Variants in CCM2 observed in about 807,000 individuals in gnomAD.
CCM2 encodes CCM2 scaffold protein.
Under a neutral mutation model 44.9 loss-of-function variants are expected in CCM2, and 25 were observed. The ratio of observed to expected loss-of-function variants is 0.56; its 90% CI spans 0.41 to 0.78. CCM2 has a LOEUF of 0.78. Ranked by LOEUF, CCM2 falls within the 30% of genes least tolerant of loss-of-function variation. The pLI, the probability that CCM2 is intolerant of heterozygous loss-of-function variation, is 0.00. For missense variants in CCM2, 481 were observed against 580.6 expected (o/e 0.83, Z 1.76); for synonymous variants, 219 against 241.1 (o/e 0.91, Z 0.85).
intron 1 of CCM2, among the ~76,000 whole-genome samples, chr7:45,004,277 C>T (rs1287817815): frequency 6.6e-6 from 1 of 152,090 alleles, no homozygotes; most frequent in Non-Finnish European, 1.5e-5. Context: ...TAATTAAGTT[C>T]TGATCTGATA....
At chr7:45,019,964 A>G (rs889710395) in intron 1 of CCM2, among the ~76,000 whole-genome samples, 17 of 152,192 alleles carry the variant, frequency 1.1e-4, no homozygotes, top group Non-Finnish European at 1.9e-4. Flanking sequence ...GGGTTCAGCC[A>G]AAGATTTGAG....
chr7:45,048,841 C>T (rs76551638), intron 2 of CCM2, among the ~76,000 whole-genome samples: 53 of 152,254 alleles, frequency 3.5e-4, no homozygotes, highest in Non-Finnish European at 4.7e-4. Flanking sequence ...GCAAGGCTCA[C>T]GTGGGCTCAC....
intron 1 of CCM2, 110 bp downstream of exon 1, chr7:45,000,473 C>T (rs1282622314): frequency 1.6e-5 from 5 of 303,842 alleles, no homozygotes; most frequent in African/African-American, 6.9e-5. Context: ...GGGCAGTGGG[C>T]CAGCTGGCGG....
At chr7:45,003,138 C>G (rs1295330621) in intron 1 of CCM2, among the ~76,000 whole-genome samples, 2 of 152,092 alleles carry the variant, frequency 1.3e-5, no homozygotes. Flanking sequence ...TGCAATGGCA[C>G]GATCTCAGCT....
At chr7:45,049,980 A>G (rs1797927446) in intron 2 of CCM2, among the ~76,000 whole-genome samples, 2 of 152,262 alleles carry the variant, frequency 1.3e-5, no homozygotes, top group Non-Finnish European at 1.5e-5. Context: ...AATTTGAAGT[A>G]CAGTCTTGGC....
At chr7:45,006,178 G>C (rs1038629048) in intron 1 of CCM2, among the ~76,000 whole-genome samples, 3 of 152,056 alleles carry the variant, frequency 2.0e-5, no homozygotes, top group Admixed American at 6.6e-5. Flanking sequence ...ATGTAACGAA[G>C]TCCCCTGTGC....
At chr7:45,022,226 C>T (rs1171913254) in intron 1 of CCM2, among the ~76,000 whole-genome samples, 1 of 140,754 alleles carries the variant, frequency 7.1e-6, no homozygotes, top group African/African-American at 2.6e-5. Flanking sequence ...CTGTGGTTGG[C>T]GTTCAGAATT....
intron 1 of CCM2, among the ~76,000 whole-genome samples, chr7:45,014,332 G>T (rs1390326748): frequency 6.6e-6 from 1 of 151,950 alleles, no homozygotes; most frequent in Non-Finnish European, 1.5e-5. Context: ...GTAGAGACAG[G>T]GTTTCACCAT....
In CCM2 at chr7:45,043,720, C is replaced by T. The variant is rs1486920004; in HGVS notation, c.204+5294C>T. On this transcript the variant is annotated intron_variant, in intron 2 of 9. Transcript: ENST00000258781. ...CTTTCCTTCTAGGGCTCCCATTAAT[C>T]ACATATTGATATTTATTTTATTTTT... The T allele has an allele frequency of 7.5e-6, 3 of 401,892 alleles. No homozygotes were observed. The East Asian group carries it at 2.6e-4, about 35-fold the overall frequency. 24.9% of individuals were successfully genotyped at this position (401,892 alleles called of 1,614,324 possible).
intron 1 of CCM2, among the ~76,000 whole-genome samples, chr7:45,030,495 G>A (rs535892591): frequency 6.6e-5 from 10 of 152,260 alleles, no homozygotes; most frequent in Admixed American, 6.5e-4. Flanking sequence ...GGGTGCAGTG[G>A]TGTGATCACA....
chr7:45,068,673 G>A, intron 5 of CCM2, 94 bp downstream of exon 5: 1 of 1,520,174 alleles, frequency 6.6e-7, no homozygotes, highest in South Asian at 1.1e-5. Context: ...ACAGTGCTGG[G>A]CACTGCTGGG....
At chr7:45,013,534 G>A (rs1262002399) in intron 1 of CCM2, among the ~76,000 whole-genome samples, 1 of 151,884 alleles carries the variant, frequency 6.6e-6, no homozygotes, top group Non-Finnish European at 1.5e-5. Flanking sequence ...TACCTTCCTT[G>A]GTACAAGGAC....
intron 1 of CCM2, chr7:45,027,481 T>G (rs1463944823): frequency 2.9e-6 from 2 of 694,276 alleles, no homozygotes; most frequent in Admixed American, 5.6e-5. Flanking sequence ...GTAGGGAAAA[T>G]GAGCTGGTTT....
At chr7:45,029,390 C>T (rs1313951313) in intron 1 of CCM2, 1 of 152,202 alleles carries the variant, frequency 6.6e-6, no homozygotes, top group Non-Finnish European at 1.5e-5. Context: ...GTAGCAGAGA[C>T]ATGCTGGGTA....
chr7:45,074,038 C>A, intron 8 of CCM2: 3 of 843,098 alleles, frequency 3.6e-6, no homozygotes, highest in Non-Finnish European at 3.6e-6. Flanking sequence ...ACTCTGTGTT[C>A]CAGCTCAGGA....
At chr7:45,001,716 GCTGT>G (rs1474526566) in intron 1 of CCM2, among the ~76,000 whole-genome samples, 1 of 152,104 alleles carries the variant, frequency 6.6e-6, no homozygotes, top group African/African-American at 2.4e-5. Context: ...TTTTTCTAGA[GCTGT>G]CTATCAGCTT....
At chr7:45,023,450 T>G (rs1375691003) in intron 1 of CCM2, among the ~76,000 whole-genome samples, 1 of 152,166 alleles carries the variant, frequency 6.6e-6, no homozygotes, top group African/African-American at 2.4e-5. Context: ...CTTGGAAGCC[T>G]GAGGCGGGAG....
chr7:45,019,152 A>G (rs1583858948), intron 1 of CCM2, among the ~76,000 whole-genome samples: 1 of 145,408 alleles, frequency 6.9e-6, no homozygotes. Flanking sequence ...CAACCTTGCA[A>G]CCTCCGCCTC....
At chr7:45,062,924 A>C (rs1798593561) in intron 2 of CCM2, among the ~76,000 whole-genome samples, 1 of 151,960 alleles carries the variant, frequency 6.6e-6, no homozygotes, top group African/African-American at 2.4e-5. Flanking sequence ...ATGTTATCCC[A>C]GGGCGAAAGG....
Sources: gnomAD v4.1 joint callset for allele counts (sites outside exome capture counted in the v4.1 genomes callset) on GRCh38, gnomAD v4.1.1 for gene constraint, MANE v1.5 for transcripts, NCBI Gene and HGNC (gene_info 2026-07-23, HGNC 2026-07-21) for gene names.